Variants in CHRM3 observed in about 807,000 individuals in gnomAD.
CHRM3 encodes muscarinic acetylcholine receptor M3.
CHRM3 carries 11 observed loss-of-function variants against 41.8 expected under a neutral mutation model. The ratio of observed to expected loss-of-function variants is 0.26; its 90% CI spans 0.17 to 0.44. The LOEUF is 0.44. CHRM3 is among the 20% of genes least tolerant of loss of function. CHRM3 has a pLI of 1.00. For missense variants in CHRM3, 571 were observed against 745.4 expected (o/e 0.77, Z 2.72); for synonymous variants, 297 against 301.4 (o/e 0.99, Z 0.15).
intron 6 of CHRM3, among the ~76,000 whole-genome samples, chr1:239,900,911 G>A (rs1312617387): frequency 6.6e-6 from 1 of 152,196 alleles, no homozygotes; most frequent in African/African-American, 2.4e-5. Context: ...GAAGCTGCCT[G>A]TTGTGGCCCC....
chr1:239,857,216 A>T (rs539453949), intron 6 of CHRM3, among the ~76,000 whole-genome samples: 1 of 152,274 alleles, frequency 6.6e-6, no homozygotes, highest in Non-Finnish European at 1.5e-5. Context: ...AAAAACATAG[A>T]CACATAACTT....
chr1:239,457,493 T>G (rs1665039605), intron 1 of CHRM3, among the ~76,000 whole-genome samples: 1 of 152,206 alleles, frequency 6.6e-6, no homozygotes, highest in African/African-American at 2.4e-5. Context: ...ATATGTATAG[T>G]ATAAATGAGA....
At chr1:239,554,430 A>G (rs1660148929) in intron 3 of CHRM3, among the ~76,000 whole-genome samples, 1 of 151,964 alleles carries the variant, frequency 6.6e-6, no homozygotes, top group Non-Finnish European at 1.5e-5. Flanking sequence ...GGGTAGGGGC[A>G]GGATGTGTGG....
At chr1:239,559,558 A>C (rs1211474031) in intron 3 of CHRM3, among the ~76,000 whole-genome samples, 1 of 152,198 alleles carries the variant, frequency 6.6e-6, no homozygotes, top group East Asian at 1.9e-4. Context: ...AATATGCCTC[A>C]TAAGATTTCA....
At chr1:239,497,919 G>C (rs1008266541) in intron 2 of CHRM3, among the ~76,000 whole-genome samples, 3 of 152,088 alleles carry the variant, frequency 2.0e-5, no homozygotes, top group South Asian at 2.1e-4. Context: ...AGGGCACCTG[G>C]GCAGCAAGAG....
intron 5 of CHRM3, among the ~76,000 whole-genome samples, chr1:239,822,421 T>C (rs903499047): frequency 2.6e-5 from 4 of 152,212 alleles, no homozygotes; most frequent in African/African-American, 7.2e-5. Flanking sequence ...AGGGATGGTG[T>C]TATTTGTTTA....
chr1:239,577,730 A>G (rs188806222), intron 3 of CHRM3, among the ~76,000 whole-genome samples: 1 of 152,232 alleles, frequency 6.6e-6, no homozygotes, highest in East Asian at 1.9e-4. Context: ...CATCCTAAAC[A>G]TTTTTCCAAA....
At chr1:239,799,503 C>T (rs1410333432) in intron 5 of CHRM3, among the ~76,000 whole-genome samples, 2 of 152,138 alleles carry the variant, frequency 1.3e-5, no homozygotes, top group Non-Finnish European at 2.9e-5. Flanking sequence ...TCCACCTACC[C>T]TCCCAGGGAA....
intron 2 of CHRM3, among the ~76,000 whole-genome samples, chr1:239,517,125 G>A (rs1199559978): frequency 6.6e-6 from 1 of 152,118 alleles, no homozygotes; most frequent in Non-Finnish European, 1.5e-5. Context: ...CCATCCTCCT[G>A]CCCGGTCCAT....
At chr1:239,760,141 G>A (rs1178992052) in intron 5 of CHRM3, among the ~76,000 whole-genome samples, 1 of 150,560 alleles carries the variant, frequency 6.6e-6, no homozygotes, top group Non-Finnish European at 1.5e-5. Flanking sequence ...TAGCCAGGAT[G>A]GTCTCGATCT....
intron 3 of CHRM3, among the ~76,000 whole-genome samples, chr1:239,547,060 TG>T (rs2148418890): frequency 6.6e-6 from 1 of 152,300 alleles, no homozygotes; most frequent in East Asian, 1.9e-4. Context: ...GCAATGAAAC[TG>T]GTTTGCAAAT....
chr1:239,890,314 T>A (rs1027773179), intron 6 of CHRM3, among the ~76,000 whole-genome samples: 4 of 149,750 alleles, frequency 2.7e-5, no homozygotes, highest in African/African-American at 9.9e-5. Flanking sequence ...GCCATTGCAC[T>A]CCAGCCTGGG....
intron 5 of CHRM3, among the ~76,000 whole-genome samples, chr1:239,693,062 T>C (rs1406050696): frequency 6.6e-6 from 1 of 152,198 alleles, no homozygotes; most frequent in Non-Finnish European, 1.5e-5. Context: ...ATCCCTGCTC[T>C]GTGTTCATGC....
intron 3 of CHRM3, among the ~76,000 whole-genome samples, chr1:239,568,073 G>A (rs1203205181): frequency 6.6e-6 from 1 of 152,166 alleles, no homozygotes; most frequent in Non-Finnish European, 1.5e-5. Context: ...TCCAGGAAGT[G>A]CCGGCTGCAG....
At chr1:239,414,356 C>G (rs1381769120) in intron 1 of CHRM3, among the ~76,000 whole-genome samples, 1 of 152,166 alleles carries the variant, frequency 6.6e-6, no homozygotes, top group African/African-American at 2.4e-5. Context: ...TAATCTCTTC[C>G]TCAGTTTGGT....
Position 239,601,745 on chromosome 1 carries a change from C to A in CHRM3, c.-312-30479C>A, listed in dbSNP as rs533679766. Reference sequence around the variant, plus strand: ...ATAAATGGTGGCTCTTGCTCTGCTTCTGTGGCTGCTCTTATAGTTGTTATT... The same window carrying A: ...ATAAATGGTGGCTCTTGCTCTGCTTATGTGGCTGCTCTTATAGTTGTTATT... On this transcript the variant is annotated intron_variant, in intron 3 of 6. Transcript: ENST00000676153. Among the ~76,000 whole-genome samples, 3 of 152,286 alleles carry A rather than the reference C, an allele frequency of 2.0e-5. No individual in the cohort carries two copies. The South Asian group carries it at 6.2e-4, about 32-fold the overall frequency.
chr1:239,574,209 A>G (rs1662112698), intron 3 of CHRM3, among the ~76,000 whole-genome samples: 1 of 152,176 alleles, frequency 6.6e-6, no homozygotes, highest in African/African-American at 2.4e-5. Context: ...TCAGCCAGAG[A>G]GTGATACCCC....
chr1:239,453,164 G>T (rs1282235459), intron 1 of CHRM3, among the ~76,000 whole-genome samples: 1 of 152,196 alleles, frequency 6.6e-6, no homozygotes. Flanking sequence ...AGACACTTCA[G>T]CTCAGAAGCC....
In CHRM3 at chr1:239,908,478, G is replaced by T; in HGVS notation, c.1027G>T (p.Ala343Ser). 1 of 1,610,768 alleles carries T rather than the reference G, an allele frequency of 6.2e-7. No homozygotes were observed. Among genetic ancestry groups the T allele is most frequent in the East Asian group, 2.2e-5 (1 of 44,754 alleles). The change falls in exon 7 of 7, where the codon GCT becomes TCT. Residue 343 changes from alanine to serine, a missense_variant. Transcript: ENST00000676153. The surrounding 1 kb of genome is among the most constrained non-coding windows in gnomAD (Gnocchi z 7.2). ...SSDSWNNNDA[A>S]ASLENSASSD... ...TGACAGTTGGAACAACAATGATGCT[G>T]CTGCCTCCCTGGAGAACTCCGCCTC...
Sources: gnomAD v4.1 joint callset for allele counts (sites outside exome capture counted in the v4.1 genomes callset) on GRCh38, gnomAD v4.1.1 for gene constraint, Gnocchi (gnomAD v3.1) non-coding constraint, MANE v1.5 for transcripts, NCBI Gene and HGNC (gene_info 2026-07-23, HGNC 2026-07-21) for gene names.